Variants in SLC2A2 observed in about 807,000 individuals in gnomAD.
SLC2A2 encodes the protein solute carrier family 2 member 2, also known as solute carrier family 2, facilitated glucose transporter member 2.
In SLC2A2, 36 loss-of-function variants were observed where a neutral mutation model predicts 54.5. The observed-to-expected ratio is 0.66, with a 90% CI of 0.51 to 0.87. The LOEUF (loss-of-function observed/expected upper bound fraction) is 0.87. Ranked by LOEUF, SLC2A2 falls within the 40% of genes least tolerant of loss-of-function variation. The probability of loss-of-function intolerance (pLI) is 0.00; values close to 1 mark genes in which losing one functional copy is unlikely to be tolerated. For synonymous variants in SLC2A2, 223 were observed against 219.1 expected, an observed-to-expected ratio of 1.02 and a Z score of -0.16; for missense variants, 543 against 624.3, an observed-to-expected ratio of 0.87 and a Z score of 1.39.
intron 1 of SLC2A2, among the ~76,000 whole-genome samples, chr3:171,026,156 A>G (rs1471448154): frequency 1.3e-5 from 2 of 152,170 alleles, no homozygotes; most frequent in African/African-American, 2.4e-5. Flanking sequence ...GATGCAGCCC[A>G]TATTTAAAAT....
intron 1 of SLC2A2, among the ~76,000 whole-genome samples, chr3:171,023,854 G>A (rs1716571809): frequency 6.6e-6 from 1 of 152,126 alleles, no homozygotes; most frequent in South Asian, 2.1e-4. Flanking sequence ...TGTTCAGCTT[G>A]CACTTTAAAA....
At chr3:171,015,829 T>C (rs74560354) in intron 2 of SLC2A2, among the ~76,000 whole-genome samples, 1 of 152,166 alleles carries the variant, frequency 6.6e-6, no homozygotes, top group Non-Finnish European at 1.5e-5. Context: ...TGGGTCCTCA[T>C]AGAGTTAACT....
In SLC2A2 at chr3:170,997,885, A is replaced by T; in HGVS notation, c.*18T>A. The T allele has an allele frequency of 6.2e-7, 1 of 1,605,592 alleles. No individual in the cohort carries two copies. The highest frequency in any genetic ancestry group is 8.5e-7 in the Non-Finnish European group (1 of 1,174,062). ...TCCCTTATTGTTTCTGTTCATGTCA[A>T]AAAGCAGGGTTTTTTTTTTACACAG... On this transcript the variant is annotated 3_prime_UTR_variant, in exon 11 of 11. Coordinates refer to ENST00000314251, the MANE Select transcript of SLC2A2 (RefSeq NM_000340.2).
chr3:171,021,436 A>T (rs577795020), intron 1 of SLC2A2, among the ~76,000 whole-genome samples: 2 of 152,210 alleles, frequency 1.3e-5, no homozygotes, highest in Non-Finnish European at 2.9e-5. Flanking sequence ...TTAGTTTTCT[A>T]TTGCTGCCGT....
At chr3:171,003,567 A>T (rs888032103) in intron 7 of SLC2A2, among the ~76,000 whole-genome samples, 1 of 151,980 alleles carries the variant, frequency 6.6e-6, no homozygotes, top group African/African-American at 2.4e-5. Context: ...TGACGTTTTT[A>T]AAAATTGTAA....
intron 4 of SLC2A2, chr3:171,007,494 T>C (rs1715669701): frequency 1.9e-6 from 1 of 528,724 alleles, no homozygotes; most frequent in African/African-American, 1.9e-5. Context: ...GTCATGTATT[T>C]GACAGTTCTT....
rs2108231181 is a variant in SLC2A2 at position 170,997,138 on chromosome 3, C to T, written c.*765G>A. The T allele has an allele frequency of 6.6e-6, 1 of 152,650 alleles. No homozygotes were observed. The highest frequency in any genetic ancestry group is 2.1e-4 in the South Asian group (1 of 4,828). The allele number at this position is 152,650 out of a possible 1,614,324, so 9.5% of individuals were successfully genotyped here. ...AAGGATTGTACCAGAAGGGAATCAA[C>T]ATGGTTTTATAATAGATGTTAATGT... On this transcript the variant is annotated 3_prime_UTR_variant, in exon 11 of 11. Transcript: ENST00000314251.
At chr3:171,014,326 C>G in intron 3 of SLC2A2, 143 bp downstream of exon 3, 2 of 814,590 alleles carry the variant, frequency 2.5e-6, no homozygotes, top group Non-Finnish European at 4.0e-6. Flanking sequence ...TGATCTAACA[C>G]TGATATGCCT....
chr3:171,019,109 ATATATATATATATACG>A, intron 1 of SLC2A2, among the ~76,000 whole-genome samples: 1 of 5,678 alleles, frequency 1.8e-4, no homozygotes, highest in South Asian at 5.3e-3. Context: ...ATATATATAT[ATATATATATATATACG>A]TATGTATATA....
intron 1 of SLC2A2, among the ~76,000 whole-genome samples, chr3:171,026,147 A>G (rs1158163145): frequency 6.6e-6 from 1 of 152,192 alleles, no homozygotes; most frequent in African/African-American, 2.4e-5. Context: ...ATTATTTAAG[A>G]TGCAGCCCAT....
intron 8 of SLC2A2, 152 bp downstream of exon 8, chr3:171,002,424 A>G (rs1010389252): frequency 2.1e-5 from 14 of 675,056 alleles, no homozygotes; most frequent in Non-Finnish European, 3.6e-5. Context: ...GGCTTATTCA[A>G]ACAGGACTCT....
At chr3:171,015,243 C>T (rs993891108) in intron 2 of SLC2A2, among the ~76,000 whole-genome samples, 2 of 152,064 alleles carry the variant, frequency 1.3e-5, no homozygotes, top group South Asian at 2.1e-4. Flanking sequence ...CCGAGGTGGG[C>T]GGACTGCTTG....
At chr3:171,007,363 C>T (rs1453671595) in intron 4 of SLC2A2, 100 bp from the exon 5 acceptor site, 1 of 739,170 alleles carries the variant, frequency 1.4e-6, no homozygotes, top group Non-Finnish European at 2.4e-6. Flanking sequence ...GAAAGCCCCT[C>T]CCTGAATTCA....
chr3:171,025,976 T>C (rs1716671212), intron 1 of SLC2A2, among the ~76,000 whole-genome samples: 1 of 151,980 alleles, frequency 6.6e-6, no homozygotes, highest in Non-Finnish European at 1.5e-5. Context: ...TCTGTAGTGT[T>C]TGTGTGTGTG....
intron 8 of SLC2A2, among the ~76,000 whole-genome samples, chr3:171,000,343 G>A (rs528661226): frequency 2.0e-5 from 3 of 152,156 alleles, no homozygotes; most frequent in African/African-American, 4.8e-5. Flanking sequence ...GTGCCACCAC[G>A]TCAAGCTACC....
In SLC2A2 at chr3:171,005,347, G is replaced by GA. The variant is rs1560034793; in HGVS notation, c.900_901insT (p.Arg301SerfsTer92). On this transcript the variant is annotated frameshift_variant, in exon 7 of 11. Transcript: ENST00000314251. LOFTEE classifies it high-confidence loss of function. ...ATCAGTGCCACTAGAATAGGCTGTC[G>GA]GTAGCTGGAATTGGTGAAGAGCTGA... The GA allele has an allele frequency of 1.2e-6, 2 of 1,612,828 alleles. No homozygotes were observed. The highest frequency in any genetic ancestry group is 2.7e-5 in the African/African-American group (2 of 74,802).
At chr3:171,002,197 A>C (rs994293888) in intron 8 of SLC2A2, among the ~76,000 whole-genome samples, 7 of 152,040 alleles carry the variant, frequency 4.6e-5, no homozygotes, top group African/African-American at 1.7e-4. Context: ...GAGGAATCTA[A>C]GTAGACCATC....
chr3:171,008,573 A>C (rs926938465), intron 4 of SLC2A2, among the ~76,000 whole-genome samples: 1 of 152,094 alleles, frequency 6.6e-6, no homozygotes, highest in Non-Finnish European at 1.5e-5. Context: ...TGGCTATGCT[A>C]CTTAGAGGTT....
rs1460427499 is a variant in SLC2A2, at chr3:171,019,122, T to C, written c.16-499A>G. On this transcript the variant is annotated intron_variant, in intron 1 of 10. Transcript: ENST00000314251. ...GTATATATATATATATATATATATA[T>C]ACGTATGTATATATATATATATATA... is the stretch of plus-strand genomic sequence containing the variant. Among the ~76,000 whole-genome samples, 6 of 5,886 alleles carry C rather than the reference T, an allele frequency of 1.0e-3. 1 individual carries two copies. Among genetic ancestry groups the C allele is most frequent in the Non-Finnish European group, 2.0e-3 (6 of 2,958 alleles). The allele number at this position is 5,886 out of a possible 152,430, so 3.9% of individuals were successfully genotyped here. A position where few individuals can be genotyped will look rare whatever the true frequency, so the allele number is the denominator to read the frequency against.
Sources: allele counts gnomAD v4.1 joint callset (sites outside exome capture counted in the v4.1 genomes callset), GRCh38; gene constraint gnomAD v4.1.1; transcripts MANE v1.5; gene names NCBI Gene and HGNC (gene_info 2026-07-23, HGNC 2026-07-21).